Variants in STRA6 observed in about 807,000 individuals in gnomAD.
STRA6 encodes the protein signaling receptor and transporter of retinol STRA6.
In STRA6, 48 loss-of-function variants were observed where a neutral mutation model predicts 83.6. The observed-to-expected ratio is 0.57, with a 90% CI of 0.46 to 0.73. STRA6 has a LOEUF of 0.73. Among genes scored for constraint, STRA6 ranks in the 30% least tolerant of loss-of-function variants. The pLI is 0.00. For synonymous variants in STRA6, 353 were observed against 362.3 expected (o/e 0.97, Z 0.29); for missense variants, 760 against 838.8 (o/e 0.91, Z 1.16).
chr15:74,180,678 G>A, intron 18 of STRA6, 104 bp downstream of exon 18: 2 of 1,486,666 alleles, frequency 1.3e-6, no homozygotes, highest in Non-Finnish European at 1.8e-6. Flanking sequence ...GAGAGGAAGT[G>A]AGAATTTTCC....
rs1052326955 is a variant in STRA6 at position 74,179,993 on chromosome 15, G to A, written c.*87C>T. On this transcript the variant is annotated 3_prime_UTR_variant, in exon 19 of 19. Coordinates refer to ENST00000395105, the MANE Select transcript of STRA6 (RefSeq NM_022369.4). ...CTGCTGGCTGCATGGCTGGTGTGAT[G>A]CTGGGAGGAGAGCCGGGGAGGGAGG... is the stretch of plus-strand genomic sequence containing the variant. 13 of 1,544,546 alleles carry A rather than the reference G, an allele frequency of 8.4e-6. No homozygotes were observed. The highest frequency in any genetic ancestry group is 1.2e-5 in the South Asian group (1 of 85,280).
At chr15:74,202,537 G>A (rs1011552592) in intron 1 of STRA6, 176 bp downstream of exon 1, 39 of 1,493,286 alleles carry the variant, frequency 2.6e-5, no homozygotes, top group Non-Finnish European at 3.5e-5. Flanking sequence ...GTCCTGCAGA[G>A]ATAGCTGTCC....
At chr15:74,204,134 G>T (rs1421543929), upstream of STRA6, among the ~76,000 whole-genome samples, 3 of 152,188 alleles carry the variant, frequency 2.0e-5, no homozygotes, top group Non-Finnish European at 4.4e-5. Context: ...AGAGATATCA[G>T]CATCTGCTGA....
intron 7 of STRA6, 90 bp from the exon 8 acceptor site, chr15:74,194,012 G>A (rs765381054): frequency 2.4e-5 from 38 of 1,577,478 alleles, no homozygotes; most frequent in East Asian, 4.6e-5. Flanking sequence ...CTCACACTGG[G>A]CCCTGAGGGT....
At chr15:74,189,813 G>A (rs746363109) in intron 11 of STRA6, among the ~76,000 whole-genome samples, 9 of 151,944 alleles carry the variant, frequency 5.9e-5, no homozygotes, top group African/African-American at 9.7e-5. Flanking sequence ...ACAGGCCCGC[G>A]CCACCACCGC....
At chr15:74,186,740 C>T (rs919338618) in intron 12 of STRA6, among the ~76,000 whole-genome samples, 99 of 152,142 alleles carry the variant, frequency 6.5e-4, no homozygotes, top group African/African-American at 2.4e-3. Flanking sequence ...CACTGCACTC[C>T]AGCCTGGGCG....
At chr15:74,194,684 G>T (rs765508042) in intron 7 of STRA6, 4 of 1,021,760 alleles carry the variant, frequency 3.9e-6, no homozygotes, top group Non-Finnish European at 3.8e-6. Context: ...CTGTAGTCCA[G>T]TGCCTGGAAA....
chr15:74,200,889 C>T (rs1447983820), intron 2 of STRA6, among the ~76,000 whole-genome samples: 1 of 152,218 alleles, frequency 6.6e-6, no homozygotes, highest in Non-Finnish European at 1.5e-5. Context: ...TTTACAGGCA[C>T]CTGGCCCCCA....
upstream of STRA6, chr15:74,209,077 C>T: frequency 8.0e-7 from 1 of 1,252,954 alleles, no homozygotes; most frequent in South Asian, 2.3e-5. Flanking sequence ...TGGCTCTGCC[C>T]CTCCTCCTGC....
rs182339166 is a variant in STRA6 at position 74,191,249 on chromosome 15, G to A, written c.789-6C>T. 14 of 1,613,422 alleles carry A rather than the reference G, an allele frequency of 8.7e-6. No individual in the cohort carries two copies. The highest frequency in any genetic ancestry group is 1.2e-5 in the Non-Finnish European group (14 of 1,179,972). Reference sequence around the variant, plus strand: ...CATGCTTGGAGGTGTGGTAGCTGCAGAAAGACCCAGGCAGGTGCGGGGTCC... The same window carrying A: ...CATGCTTGGAGGTGTGGTAGCTGCAAAAAGACCCAGGCAGGTGCGGGGTCC... On this transcript the variant is annotated splice_region_variant and splice_polypyrimidine_tract_variant and intron_variant, in intron 9 of 18. Transcript: ENST00000395105.
At chr15:74,205,847 G>T (rs11633768), upstream of STRA6, among the ~76,000 whole-genome samples, 34,213 of 152,168 alleles carry the variant, frequency 0.22, 4,075 homozygotes, top group Middle Eastern at 0.3. Flanking sequence ...GGAGGAAATG[G>T]TGAGCTTCGT....
rs2073891515 is a variant in STRA6 at position 74,197,829 on chromosome 15, A to C, written c.114-11T>G. The C allele has an allele frequency of 6.2e-7, 1 of 1,612,292 alleles. No individual in the cohort carries two copies. The highest frequency in any genetic ancestry group is 1.7e-5 in the Admixed American group (1 of 59,990). Reference sequence around the variant, plus strand: ...CAGGAGGGCACTTCCCTGCAGAGCAAATGAAGGCTGGCTCAGGCCTGCGTC... The same window carrying C: ...CAGGAGGGCACTTCCCTGCAGAGCACATGAAGGCTGGCTCAGGCCTGCGTC... On this transcript the variant is annotated splice_polypyrimidine_tract_variant and intron_variant, in intron 2 of 18. Transcript: ENST00000395105.
intron 13 of STRA6, 91 bp downstream of exon 13, chr15:74,184,889 C>T: frequency 7.5e-7 from 1 of 1,330,484 alleles, no homozygotes; most frequent in Non-Finnish European, 1.1e-6. Context: ...GAGCCCTTCC[C>T]TCCCTCCAGG....
At chr15:74,189,304 C>A in intron 11 of STRA6, 27 bp from the exon 12 acceptor site, 2 of 1,571,526 alleles carry the variant, frequency 1.3e-6, no homozygotes, top group Non-Finnish European at 1.7e-6. Context: ...GTGAGGGCCC[C>A]ATCCCAGGAA....
intron 8 of STRA6, among the ~76,000 whole-genome samples, chr15:74,193,262 T>C (rs886300260): frequency 2.2e-4 from 33 of 152,206 alleles, no homozygotes; most frequent in African/African-American, 7.0e-4. Context: ...CTCTTTCCCG[T>C]GCCTACAATG....
At chr15:74,191,820 C>T (rs1023872273) in intron 8 of STRA6, 24 of 437,004 alleles carry the variant, frequency 5.5e-5, no homozygotes, top group Admixed American at 1.4e-4. Context: ...AGCCCTCTGG[C>T]CTCTGCTAGC....
chr15:74,198,003 G>C, intron 2 of STRA6, 185 bp from the exon 3 acceptor site: 2 of 670,108 alleles, frequency 3.0e-6, no homozygotes, highest in Non-Finnish European at 5.3e-6. Context: ...TCGTGTCCCT[G>C]TGATGTGCCA....
intron 14 of STRA6, 47 bp from the exon 15 acceptor site, chr15:74,182,507 A>G: frequency 6.6e-7 from 1 of 1,517,216 alleles, no homozygotes; most frequent in Non-Finnish European, 9.0e-7. Flanking sequence ...GGTTCCATGA[A>G]AACTGGCCAT....
intron 12 of STRA6, 38 bp from the exon 13 acceptor site, chr15:74,185,093 T>C: frequency 6.2e-7 from 1 of 1,604,762 alleles, no homozygotes; most frequent in Non-Finnish European, 8.5e-7. Context: ...GAGGTCAGGG[T>C]CTGGAGAGTC....
Sources: allele counts gnomAD v4.1 joint callset (sites outside exome capture counted in the v4.1 genomes callset), GRCh38; gene constraint gnomAD v4.1.1; transcripts MANE v1.5; gene names NCBI Gene and HGNC (gene_info 2026-07-23, HGNC 2026-07-21).